The following TCF20 variants were observed in gnomAD, a reference collection of about 807,000 sequenced individuals.
TCF20 encodes SPRE-binding protein.
In TCF20, 3 loss-of-function variants were observed where a neutral mutation model predicts 148.6. The observed-to-expected ratio is 0.02, with a 90% CI of 0.01 to 0.05. TCF20 has a LOEUF of 0.05. Ranked by LOEUF, TCF20 falls within the 10% of genes least tolerant of loss-of-function variation. The probability of loss-of-function intolerance (pLI) is 1.00; values close to 1 mark genes in which losing one functional copy is unlikely to be tolerated. For synonymous variants in TCF20, 1,049 were observed against 909.5 expected, an observed-to-expected ratio of 1.15 and a Z score of -2.76; for missense variants, 2,350 against 2,429.3, an observed-to-expected ratio of 0.97 and a Z score of 0.69.
At position 42,270,546 on chromosome 22, in the gene TCF20, C is replaced by T. The variant is rs1926555571; in HGVS notation, c.-244G>A. On this transcript the variant is annotated 5_prime_UTR_variant, in exon 1 of 6. Coordinates refer to ENST00000677622, the MANE Select transcript of TCF20 (RefSeq NM_001378418.1). ...CGCGCGCTCGCTCCCCGGTCAGGCG[C>T]GCCTCAGGGCGGGCTCCCCTGGCGG... Among the ~76,000 whole-genome samples the T allele has an allele frequency of 6.9e-6, 1 of 145,768 alleles. No homozygotes were observed. The highest frequency in any genetic ancestry group is 1.5e-5 in the Non-Finnish European group (1 of 65,594).
chr22:42,228,834 G>A (rs928293459), intron 1 of TCF20, among the ~76,000 whole-genome samples: 5 of 152,106 alleles, frequency 3.3e-5, no homozygotes, highest in African/African-American at 9.7e-5. Flanking sequence ...TGCAGGCTGT[G>A]AAATCAATTT....
At chr22:42,339,214 C>T (rs1044577521) in intron 1 of TCF20, among the ~76,000 whole-genome samples, 12 of 151,026 alleles carry the variant, frequency 7.9e-5, no homozygotes, top group African/African-American at 2.7e-4. Context: ...TGGGCACTTA[C>T]TGGTCACTGC....
At chr22:42,329,981 T>C (rs1425555836) in intron 1 of TCF20, among the ~76,000 whole-genome samples, 2 of 152,158 alleles carry the variant, frequency 1.3e-5, no homozygotes, top group Non-Finnish European at 2.9e-5. Context: ...CACCCAGCCA[T>C]CTAGCAGAGG....
At position 42,219,355 on chromosome 22, in the gene TCF20, CAAAAA is replaced by C. The variant is rs528664836; in HGVS notation, c.-36-4019_-36-4015del. Among the ~76,000 whole-genome samples, 237 of 43,550 alleles carry C rather than the reference CAAAAA, an allele frequency of 5.4e-3. 5 individuals are homozygous for C. Among genetic ancestry groups the C allele is most frequent in the African/African-American group, 0.02 (200 of 10,162 alleles). 28.6% of individuals were successfully genotyped at this position (43,550 alleles called of 152,430 possible). A position where few individuals can be genotyped will look rare whatever the true frequency, so the allele number is the denominator to read the frequency against. The stretch of plus-strand genomic sequence containing the variant: ...ACCCTGGGTGACAGTAACCCTGTCT[CAAAAA>C]AAAAAAAAAAAAAAAAAAAAAGCTA... On this transcript the variant is annotated intron_variant, in intron 1 of 5. Transcript: ENST00000677622.
rs1921160668 is a variant in TCF20, at chr22:42,212,884, T to C, written c.2422A>G (p.Ile808Val). The C allele has an allele frequency of 1.9e-6, 3 of 1,614,180 alleles. No homozygotes were observed. Among genetic ancestry groups the C allele is most frequent in the Non-Finnish European group, 2.5e-6 (3 of 1,180,030 alleles). Residue 808 changes from isoleucine to valine, a missense_variant, in exon 2 of 6, where the codon ATT becomes GTT. Physicochemically the swap from Ile to Val is conservative, Grantham distance 29. Transcript: ENST00000677622. ...LASRGLLNKS[I>V]GSLLENPHWG... ...TGGGGATTTTCTAATAGAGACCCAA[T>C]GCTTTTGTTCAGAAGGCCCCTGCTA...
chr22:42,276,216 A>G (rs1437241438), intron 1 of TCF20: 1 of 152,280 alleles, frequency 6.6e-6, no homozygotes, highest in African/African-American at 2.4e-5. Context: ...CTTCCTGCTA[A>G]GAATTCAAAC....
intron 1 of TCF20, among the ~76,000 whole-genome samples, chr22:42,342,054 C>T (rs1475719039): frequency 6.6e-6 from 1 of 152,092 alleles, no homozygotes; most frequent in African/African-American, 2.4e-5. Context: ...AGGGTACATC[C>T]ACTTCCCTGG....
rs1920924850 is a variant in TCF20, at chr22:42,209,655, T to A, written c.5651A>T (p.Glu1884Val). Reference protein sequence around the residue: ...GLQEALEIAREMKCSHCQEAG... With the variant: ...GLQEALEIARVMKCSHCQEAG... ...TAAGAGATTTCTCATACTCACCATCTCTCTGGCTATTTCCAGCGCTTCCTG... is the reference window on the plus strand; with the variant it reads ...TAAGAGATTTCTCATACTCACCATCACTCTGGCTATTTCCAGCGCTTCCTG... The change falls in exon 2 of 6, where the codon GAG becomes GTG. Residue 1884 changes from glutamate (E) to valine (V), a missense_variant. Transcript: ENST00000677622. The A allele has an allele frequency of 6.3e-7, 1 of 1,596,192 alleles. No homozygotes were observed. The highest frequency in any genetic ancestry group is 1.8e-5 in the Admixed American group (1 of 55,942).
intron 1 of TCF20, among the ~76,000 whole-genome samples, chr22:42,323,520 T>C (rs927529663): frequency 6.6e-6 from 1 of 151,440 alleles, no homozygotes; most frequent in African/African-American, 2.4e-5. Context: ...GGGTGGTCTC[T>C]AGGAGGAGGT....
At chr22:42,218,426 A>C (rs1922021542) in intron 1 of TCF20, among the ~76,000 whole-genome samples, 1 of 152,162 alleles carries the variant, frequency 6.6e-6, no homozygotes, top group African/African-American at 2.4e-5. Context: ...TATCAAGAGC[A>C]ATTCTGTCTA....
At chr22:42,295,728 C>G (rs992222567) in intron 1 of TCF20, among the ~76,000 whole-genome samples, 2 of 152,224 alleles carry the variant, frequency 1.3e-5, no homozygotes, top group Admixed American at 1.3e-4. Context: ...GCGTGAGCCA[C>G]CGCGCCCGGC....
chr22:42,304,664 T>A (rs1927402355), intron 1 of TCF20, among the ~76,000 whole-genome samples: 1 of 152,044 alleles, frequency 6.6e-6, no homozygotes, highest in East Asian at 1.9e-4. Context: ...GTGGGCAGAA[T>A]CATGTAATTC....
intron 2 of TCF20, among the ~76,000 whole-genome samples, chr22:42,184,423 G>C (rs529821712): frequency 1.2e-4 from 18 of 152,084 alleles, no homozygotes; most frequent in South Asian, 6.2e-4. Flanking sequence ...CTTATCTATA[G>C]TATCTTCCAT....
intron 2 of TCF20, among the ~76,000 whole-genome samples, chr22:42,188,744 A>G (rs1937181197): frequency 6.6e-6 from 1 of 152,192 alleles, no homozygotes; most frequent in South Asian, 2.1e-4. Context: ...CTTCAGAAGT[A>G]TAATAATCTT....
At chr22:42,339,450 G>A (rs1295683346) in intron 1 of TCF20, among the ~76,000 whole-genome samples, 1 of 152,112 alleles carries the variant, frequency 6.6e-6, no homozygotes, top group African/African-American at 2.4e-5. Context: ...AAAGATCTGG[G>A]GCCATAGAGA....
At chr22:42,196,206 T>C (rs760261277) in intron 2 of TCF20, among the ~76,000 whole-genome samples, 4 of 152,198 alleles carry the variant, frequency 2.6e-5, no homozygotes, top group Non-Finnish European at 5.9e-5. Flanking sequence ...CTTGGGGGAT[T>C]TGACCCATGG....
At chr22:42,309,023 C>T (rs1056063697) in intron 1 of TCF20, among the ~76,000 whole-genome samples, 3 of 152,106 alleles carry the variant, frequency 2.0e-5, no homozygotes, top group East Asian at 1.9e-4. Context: ...CGGTGCCTGC[C>T]GCCTGGTGCA....
intron 1 of TCF20, among the ~76,000 whole-genome samples, chr22:42,281,614 A>G (rs1301068011): frequency 1.8e-4 from 28 of 152,234 alleles, no homozygotes; most frequent in Non-Finnish European, 5.9e-5. Flanking sequence ...AGGCCTTCAA[A>G]TGCCACCTCC....
At chr22:42,169,990 T>C (rs1323891339) in intron 3 of TCF20, 94 bp from the exon 4 acceptor site, 2 of 1,293,178 alleles carry the variant, frequency 1.5e-6, no homozygotes, top group Non-Finnish European at 2.2e-6. Flanking sequence ...GACATAAAGG[T>C]AGCAGGTCGC....
Sources: allele counts gnomAD v4.1 joint callset (sites outside exome capture counted in the v4.1 genomes callset), GRCh38; gene constraint gnomAD v4.1.1; transcripts MANE v1.5; gene names NCBI Gene and HGNC (gene_info 2026-07-23, HGNC 2026-07-21).